The following ELF1 variants were observed in gnomAD, a reference collection of about 807,000 sequenced individuals.
The protein encoded by ELF1 is ETS-related transcription factor Elf-1.
In ELF1, 24 loss-of-function variants were observed where a neutral mutation model predicts 59.9. The ratio of observed to expected loss-of-function variants is 0.40; its 90% confidence interval spans 0.29 to 0.56. The LOEUF is 0.56. Among genes scored for constraint, ELF1 ranks in the 20% least tolerant of loss-of-function variants. The pLI is 0.44. For synonymous variants in ELF1, 248 were observed against 266.2 expected (o/e 0.93, Z 0.67); for missense variants, 627 against 742.2 (o/e 0.84, Z 1.80).
In ELF1 at chr13:40,933,995, A is replaced by T. The variant is rs755181758; in HGVS notation, c.1290T>A (p.Val430=). 2 of 1,614,146 alleles carry T rather than the reference A, an allele frequency of 1.2e-6. No individual in the cohort carries two copies. Among genetic ancestry groups the T allele is most frequent in the Non-Finnish European group, 1.7e-6 (2 of 1,179,976 alleles). ...TIQAPTQVPV[V]VSPRNQQLHT... is the part of the protein sequence containing the mutation. ...GCAACTGCTGATTCCTAGGAGACAC[A>T]ACCACTGGAACTTGGGTTGGAGCCT... The change falls in exon 9 of 9, where the codon GTT becomes GTA. Residue 430 remains valine (V), a synonymous_variant. Transcript: ENST00000239882.
At chr13:40,952,751 T>C (rs191915118) in intron 3 of ELF1, among the ~76,000 whole-genome samples, 1 of 152,252 alleles carries the variant, frequency 6.6e-6, no homozygotes, top group Admixed American at 6.5e-5. Flanking sequence ...GTATAGTATA[T>C]ATAATGAATC....
At chr13:41,010,459 C>T (rs1243573175) in intron 1 of ELF1, among the ~76,000 whole-genome samples, 1 of 136,924 alleles carries the variant, frequency 7.3e-6, no homozygotes, top group African/African-American at 2.7e-5. Context: ...CTCCCCCCCA[C>T]CCCCCCAAAA....
intron 1 of ELF1, among the ~76,000 whole-genome samples, chr13:41,041,382 T>A (rs8002341): frequency 0.26 from 39,913 of 151,800 alleles, 5,433 homozygotes; most frequent in South Asian, 0.4. Context: ...GACAGAACTA[T>A]TAAAAATCAT....
At chr13:41,016,403 T>C (rs906337333) in intron 1 of ELF1, among the ~76,000 whole-genome samples, 3 of 152,138 alleles carry the variant, frequency 2.0e-5, no homozygotes, top group Admixed American at 6.5e-5. Context: ...AGATTTTGTA[T>C]ATACCAAACA....
chr13:40,954,012 A>G (rs374579712), intron 3 of ELF1, among the ~76,000 whole-genome samples: 20 of 152,368 alleles, frequency 1.3e-4, no homozygotes, highest in African/African-American at 3.1e-4. Flanking sequence ...TTTAAAAGTT[A>G]TATCAGGATA....
intron 1 of ELF1, among the ~76,000 whole-genome samples, chr13:41,009,871 T>C (rs949168095): frequency 3.5e-4 from 53 of 152,196 alleles, no homozygotes; most frequent in African/African-American, 1.2e-3. Context: ...CTAGTTGCAA[T>C]AGTGCAGCAG....
intron 1 of ELF1, among the ~76,000 whole-genome samples, chr13:41,032,917 C>T (rs912506866): frequency 2.0e-5 from 3 of 151,614 alleles, no homozygotes; most frequent in African/African-American, 7.3e-5. Context: ...TAAACAGAAC[C>T]ACTCAATGTT....
intron 1 of ELF1, among the ~76,000 whole-genome samples, chr13:41,010,207 A>T (rs552576329): frequency 1.3e-5 from 2 of 150,362 alleles, no homozygotes. Context: ...GGAGTTTAAG[A>T]CCAGCCTGGA....
chr13:41,013,478 G>A (rs2138371674), intron 1 of ELF1, among the ~76,000 whole-genome samples: 1 of 152,290 alleles, frequency 6.6e-6, no homozygotes, highest in African/African-American at 2.4e-5. Context: ...TATATGGTGT[G>A]ATTCATGTGT....
chr13:40,962,311 C>T (rs1285336644), intron 2 of ELF1, among the ~76,000 whole-genome samples: 3 of 151,758 alleles, frequency 2.0e-5, no homozygotes, highest in African/African-American at 7.3e-5. Flanking sequence ...AACACACAAA[C>T]GTCAAGAGAA....
intron 2 of ELF1, among the ~76,000 whole-genome samples, chr13:40,970,640 A>T (rs1256058045): frequency 2.0e-5 from 3 of 152,094 alleles, no homozygotes; most frequent in Admixed American, 1.3e-4. Context: ...TTGGATGTTA[A>T]CCTCCGTGCC....
chr13:40,938,109 A>T (rs1869909873), intron 8 of ELF1, among the ~76,000 whole-genome samples: 1 of 152,164 alleles, frequency 6.6e-6, no homozygotes, highest in South Asian at 2.1e-4. Flanking sequence ...GAGGCACTGC[A>T]CCTGGCCAGG....
intron 1 of ELF1, among the ~76,000 whole-genome samples, chr13:41,051,907 G>C (rs1411359742): frequency 6.7e-6 from 1 of 149,134 alleles, no homozygotes; most frequent in Non-Finnish European, 1.5e-5. Flanking sequence ...GTCTATATTA[G>C]AATCACTTTT....
At chr13:40,954,710 G>A (rs1274177216) in intron 3 of ELF1, among the ~76,000 whole-genome samples, 2 of 151,870 alleles carry the variant, frequency 1.3e-5, no homozygotes, top group Non-Finnish European at 2.9e-5. Flanking sequence ...TCGGCCTCCC[G>A]AGGTGCCGGG....
At chr13:40,992,121 C>T (rs1566182815) in intron 1 of ELF1, among the ~76,000 whole-genome samples, 1 of 152,122 alleles carries the variant, frequency 6.6e-6, no homozygotes, top group Non-Finnish European at 1.5e-5. Context: ...ATTCTTTCCA[C>T]GTTTATTTAA....
chr13:41,001,036 G>C (rs1251177226), intron 1 of ELF1, among the ~76,000 whole-genome samples: 3 of 151,504 alleles, frequency 2.0e-5, no homozygotes, highest in Non-Finnish European at 4.4e-5. Context: ...GAGTGCAATG[G>C]TGTAGTCTCG....
chr13:40,941,927 G>A (rs1383444217), intron 7 of ELF1, among the ~76,000 whole-genome samples: 1 of 152,088 alleles, frequency 6.6e-6, no homozygotes, highest in African/African-American at 2.4e-5. Flanking sequence ...CCAAAATGCT[G>A]GGATTATAGA....
intron 8 of ELF1, among the ~76,000 whole-genome samples, chr13:40,940,042 C>T (rs1476088570): frequency 6.6e-6 from 1 of 152,000 alleles, no homozygotes; most frequent in Non-Finnish European, 1.5e-5. Flanking sequence ...GGTAATGTTA[C>T]CTTACTCCAA....
chr13:40,984,632 C>T (rs929729768), intron 1 of ELF1, among the ~76,000 whole-genome samples: 1 of 152,098 alleles, frequency 6.6e-6, no homozygotes, highest in Non-Finnish European at 1.5e-5. Flanking sequence ...AAAAGAATAA[C>T]TGATATACTT....
Sources: gnomAD v4.1 joint callset for allele counts (sites outside exome capture counted in the v4.1 genomes callset) on GRCh38, gnomAD v4.1.1 for gene constraint, MANE v1.5 for transcripts, NCBI Gene and HGNC (gene_info 2026-07-23, HGNC 2026-07-21) for gene names.